Variants in STK33 observed in about 807,000 individuals in gnomAD.
STK33 encodes the protein serine/threonine-protein kinase 33.
Under a neutral mutation model 58.0 loss-of-function variants are expected in STK33, and 52 were observed. That is an observed-to-expected ratio of 0.90 (90% CI 0.72 to 1.13). The LOEUF is 1.13. STK33 is among the 50% of genes most tolerant of loss of function. The probability of loss-of-function intolerance (pLI) is 0.00; values close to 1 mark genes in which losing one functional copy is unlikely to be tolerated. For synonymous variants in STK33, 215 were observed against 200.1 expected (o/e 1.07, Z -0.63); for missense variants, 630 against 604.2 (o/e 1.04, Z -0.45).
At chr11:8,455,180 T>C (rs1946698308) in intron 9 of STK33, among the ~76,000 whole-genome samples, 1 of 152,194 alleles carries the variant, frequency 6.6e-6, no homozygotes, top group Non-Finnish European at 1.5e-5. Flanking sequence ...AGGTTTCCCA[T>C]ATCCTTCGGT....
At chr11:8,436,217 C>G (rs1338174645) in intron 12 of STK33, 78 bp from the exon 13 acceptor site, 1 of 771,498 alleles carries the variant, frequency 1.3e-6, no homozygotes, top group African/African-American at 1.8e-5. Context: ...TTCCATAGGA[C>G]TTGGAAGTAG....
chr11:8,436,779 C>A (rs886761832), intron 12 of STK33, among the ~76,000 whole-genome samples: 1 of 152,190 alleles, frequency 6.6e-6, no homozygotes, highest in Non-Finnish European at 1.5e-5. Context: ...CTCACTGCAA[C>A]CTCCGCCTCC....
chr11:8,431,318 C>G (rs978029019), intron 14 of STK33, among the ~76,000 whole-genome samples: 5 of 152,060 alleles, frequency 3.3e-5, no homozygotes, highest in African/African-American at 9.7e-5. Flanking sequence ...GAGAAAATAA[C>G]AGCCAACAGT....
intron 1 of STK33, among the ~76,000 whole-genome samples, chr11:8,567,699 A>C (rs1032103668): frequency 1.3e-5 from 2 of 152,198 alleles, no homozygotes; most frequent in Non-Finnish European, 2.9e-5. Context: ...TATGGGCATG[A>C]TGAATAACAC....
At chr11:8,442,048 C>A (rs1944820415) in intron 11 of STK33, among the ~76,000 whole-genome samples, 1 of 151,736 alleles carries the variant, frequency 6.6e-6, no homozygotes, top group Middle Eastern at 3.2e-3. Flanking sequence ...CACACACACA[C>A]ACACACACAC....
intron 1 of STK33, among the ~76,000 whole-genome samples, chr11:8,565,264 T>TA (rs1957371736): frequency 6.6e-6 from 1 of 152,212 alleles, no homozygotes; most frequent in Non-Finnish European, 1.5e-5. Flanking sequence ...AGTCAAAGGT[T>TA]AAAAAACTTC....
At chr11:8,424,296 T>C (rs1032078898) in intron 14 of STK33, among the ~76,000 whole-genome samples, 1 of 146,844 alleles carries the variant, frequency 6.8e-6, no homozygotes, top group Non-Finnish European at 1.5e-5. Context: ...GCTTCATCCA[T>C]GTCCCTACAA....
the STK33 span, among the ~76,000 whole-genome samples, chr11:8,346,164 G>T: frequency 6.6e-5 from 10 of 152,192 alleles, no homozygotes; most frequent in Non-Finnish European, 1.3e-4. Flanking sequence ...GGAACAGTGG[G>T]GAGTCATTAC....
chr11:8,574,621 T>C (rs1477906227), intron 1 of STK33, among the ~76,000 whole-genome samples: 1 of 152,066 alleles, frequency 6.6e-6, no homozygotes, highest in Non-Finnish European at 1.5e-5. Flanking sequence ...CCAATAACAT[T>C]ACCATGTTAC....
At chr11:8,554,532 A>G (rs1469185653) in intron 1 of STK33, among the ~76,000 whole-genome samples, 1 of 152,176 alleles carries the variant, frequency 6.6e-6, no homozygotes, top group African/African-American at 2.4e-5. Context: ...TATCAGATAA[A>G]TGCAAATTAA....
intron 1 of STK33, among the ~76,000 whole-genome samples, chr11:8,500,287 T>A (rs1291533824): frequency 6.6e-6 from 1 of 151,838 alleles, no homozygotes; most frequent in African/African-American, 2.4e-5. Flanking sequence ...AGTGACATGA[T>A]CCTGTATGGA....
At chr11:8,445,102 T>G (rs1198745793) in intron 11 of STK33, among the ~76,000 whole-genome samples, 3 of 152,232 alleles carry the variant, frequency 2.0e-5, no homozygotes, top group Non-Finnish European at 2.9e-5. Context: ...GTCCTTCACA[T>G]CCCTGATAAG....
intron 8 of STK33, among the ~76,000 whole-genome samples, chr11:8,458,162 T>C (rs547988686): frequency 3.3e-5 from 5 of 152,284 alleles, no homozygotes; most frequent in South Asian, 4.1e-4. Context: ...AGCAGTAATG[T>C]AGAACAGGGC....
At chr11:8,347,579 G>A in the STK33 span, among the ~76,000 whole-genome samples, 3 of 152,198 alleles carry the variant, frequency 2.0e-5, no homozygotes, top group African/African-American at 4.8e-5. Flanking sequence ...AGAAACGAGC[G>A]CTATGGAGGG....
the STK33 span, among the ~76,000 whole-genome samples, chr11:8,361,290 G>A: frequency 6.6e-6 from 1 of 152,108 alleles, no homozygotes; most frequent in Admixed American, 6.5e-5. This position sits in a 1 kb window ranked among gnomAD's most constrained non-coding sequence, Gnocchi z 4.8. Context: ...AACCACCCAG[G>A]TCTCAGAGAC....
chr11:8,350,959 G>C, the STK33 span, among the ~76,000 whole-genome samples: 2 of 152,142 alleles, frequency 1.3e-5, no homozygotes, highest in African/African-American at 4.8e-5. Flanking sequence ...CAATGACAGG[G>C]ATAAGAAAGC....
chr11:8,553,197 TGGTG>T (rs1164867906), intron 1 of STK33, among the ~76,000 whole-genome samples: 4 of 63,216 alleles, frequency 6.3e-5, no homozygotes, highest in Non-Finnish European at 1.1e-4. Context: ...TATATATATA[TGGTG>T]TATATATATA....
chr11:8,457,540 G>T, intron 8 of STK33, 61 bp from the exon 9 acceptor site: 1 of 1,358,856 alleles, frequency 7.4e-7, no homozygotes. Flanking sequence ...TCTTTAAAAT[G>T]TTATATATCA....
At chr11:8,338,698 A>T in the STK33 span, among the ~76,000 whole-genome samples, 1 of 151,998 alleles carries the variant, frequency 6.6e-6, no homozygotes, top group Admixed American at 6.6e-5. Flanking sequence ...GGCTTTTTCC[A>T]TCTCCTCACC....
Sources: allele counts gnomAD v4.1 joint callset (sites outside exome capture counted in the v4.1 genomes callset), GRCh38; gene constraint gnomAD v4.1.1; non-coding constraint Gnocchi (gnomAD v3.1); transcripts MANE v1.5; gene names NCBI Gene and HGNC (gene_info 2026-07-23, HGNC 2026-07-21).